Variants in TMC1 observed in about 807,000 individuals in gnomAD.
TMC1 encodes transmembrane channel like 1.
Under a neutral mutation model 105.8 loss-of-function variants are expected in TMC1, and 84 were observed. The ratio of observed to expected loss-of-function variants is 0.79; its 90% CI spans 0.67 to 0.95. The LOEUF is 0.95. TMC1 is among the 40% of genes least tolerant of loss of function. The pLI, the probability that TMC1 is intolerant of heterozygous loss-of-function variation, is 0.00. For synonymous variants in TMC1, 315 were observed against 311.5 expected, an observed-to-expected ratio of 1.01 and a Z score of -0.12; for missense variants, 817 against 914.1, an observed-to-expected ratio of 0.89 and a Z score of 1.37.
intron 1 of TMC1, among the ~76,000 whole-genome samples, chr9:72,540,628 G>A (rs1158983735): frequency 6.6e-5 from 10 of 151,916 alleles, no homozygotes; most frequent in African/African-American, 9.7e-5. Context: ...TCTCTGCGTC[G>A]CGTGTTGGTA....
chr9:72,704,629 C>T (rs1278265655), intron 8 of TMC1, among the ~76,000 whole-genome samples: 1 of 152,118 alleles, frequency 6.6e-6, no homozygotes, highest in Non-Finnish European at 1.5e-5. Flanking sequence ...GCAGAATTGG[C>T]TCTATACAGC....
chr9:72,789,353 T>G, intron 15 of TMC1, 36 bp downstream of exon 15: 1 of 1,592,402 alleles, frequency 6.3e-7, no homozygotes, highest in Admixed American at 1.7e-5. Flanking sequence ...GCTTAGAACC[T>G]GACATTTGTT....
At chr9:72,680,852 G>T (rs1826275138) in intron 5 of TMC1, among the ~76,000 whole-genome samples, 1 of 152,120 alleles carries the variant, frequency 6.6e-6, no homozygotes, top group Admixed American at 6.6e-5. Context: ...AGTTCAGCCA[G>T]CCTTTTATGC....
At position 72,825,174 on chromosome 9, in the gene TMC1, G is replaced by A. The variant is rs112315905; in HGVS notation, c.2004-1695G>A. ...TGAATGAATAATGACTGCTTATTGT[G>A]CACTAAGCACTAGAAGAGACACAGG... is the stretch of plus-strand genomic sequence containing the variant. On this transcript the variant is annotated intron_variant, in intron 20 of 23. Transcript: ENST00000297784. Among the ~76,000 whole-genome samples the A allele has an allele frequency of 2.7e-3, 406 of 152,232 alleles. 3 individuals are homozygous for A. The highest frequency in any genetic ancestry group is 8.7e-3 in the African/African-American group (363 of 41,530).
chr9:72,793,268 G>A (rs1199076782), intron 17 of TMC1, among the ~76,000 whole-genome samples: 1 of 152,136 alleles, frequency 6.6e-6, no homozygotes, highest in Non-Finnish European at 1.5e-5. Context: ...TGAATCCAGT[G>A]ACAGTCTGCA....
intron 6 of TMC1, among the ~76,000 whole-genome samples, chr9:72,693,777 T>G (rs980854475): frequency 6.6e-6 from 1 of 150,810 alleles, no homozygotes; most frequent in South Asian, 2.1e-4. Flanking sequence ...TCTTAATTTA[T>G]CTTAATTATC....
chr9:72,566,828 C>G (rs752058990), intron 1 of TMC1, among the ~76,000 whole-genome samples: 1 of 152,214 alleles, frequency 6.6e-6, no homozygotes, highest in Non-Finnish European at 1.5e-5. Flanking sequence ...TCCCCGCTTT[C>G]CTGGGTTATG....
At chr9:72,831,828 A>G (rs1048101625) in intron 23 of TMC1, among the ~76,000 whole-genome samples, 3 of 152,010 alleles carry the variant, frequency 2.0e-5, no homozygotes, top group Non-Finnish European at 4.4e-5. Flanking sequence ...TTCTTAATCC[A>G]GTCTATCATT....
chr9:72,629,242 C>G (rs1364272828), intron 4 of TMC1, among the ~76,000 whole-genome samples: 2 of 152,160 alleles, frequency 1.3e-5, no homozygotes, highest in East Asian at 1.9e-4. Flanking sequence ...AGCTTATAGT[C>G]TTTCTATAAG....
chr9:72,642,144 A>G (rs1031880169), intron 4 of TMC1, among the ~76,000 whole-genome samples: 1 of 151,968 alleles, frequency 6.6e-6, no homozygotes, highest in East Asian at 1.9e-4. Flanking sequence ...GTGATTAAGG[A>G]CTTCACGAAG....
At chr9:72,645,636 A>G (rs182503531) in intron 4 of TMC1, among the ~76,000 whole-genome samples, 145 of 152,322 alleles carry the variant, frequency 9.5e-4, no homozygotes, top group African/African-American at 3.3e-3. Context: ...GCAAAGCCTC[A>G]CCACAGAGTC....
chr9:72,735,230 AG>A (rs1290141206), intron 8 of TMC1, among the ~76,000 whole-genome samples: 1 of 152,198 alleles, frequency 6.6e-6, no homozygotes, highest in Non-Finnish European at 1.5e-5. Context: ...CAGTCTTGGC[AG>A]GTGGCTTTTG....
chr9:72,590,003 A>G (rs976193765), intron 2 of TMC1, among the ~76,000 whole-genome samples: 8 of 152,172 alleles, frequency 5.3e-5, no homozygotes, highest in African/African-American at 1.4e-4. Flanking sequence ...AGCTTCTGCT[A>G]TGCTGACTTA....
chr9:72,612,372 C>T (rs1825042938), intron 2 of TMC1, among the ~76,000 whole-genome samples: 1 of 151,942 alleles, frequency 6.6e-6, no homozygotes, highest in South Asian at 2.1e-4. Flanking sequence ...CAGGGTCTCA[C>T]CATTTTGCCC....
At chr9:72,637,702 T>C (rs555864893) in intron 4 of TMC1, among the ~76,000 whole-genome samples, 1 of 152,324 alleles carries the variant, frequency 6.6e-6, no homozygotes, top group African/African-American at 2.4e-5. Context: ...AATTCAGACA[T>C]GTGTTTTGAC....
intron 5 of TMC1, among the ~76,000 whole-genome samples, chr9:72,683,731 TTTTATATATATATATATATATA>T (rs1441342041): frequency 0.036 from 1,793 of 49,610 alleles, 86 homozygotes; most frequent in African/African-American, 0.088. Flanking sequence ...GAGTTACACA[TTTTATATATATATATATATATA>T]TATATATATA....
At chr9:72,540,011 G>A (rs1031271915) in intron 1 of TMC1, among the ~76,000 whole-genome samples, 3 of 151,992 alleles carry the variant, frequency 2.0e-5, no homozygotes, top group African/African-American at 7.3e-5. Context: ...GGAAGAGCGT[G>A]AGAGGAGGGG....
chr9:72,647,807 T>C (rs953777057), intron 4 of TMC1, among the ~76,000 whole-genome samples: 2 of 152,084 alleles, frequency 1.3e-5, no homozygotes, highest in Admixed American at 1.3e-4. Flanking sequence ...TTGCCAAGGT[T>C]AGTGCAGCTA....
At chr9:72,534,459 A>G (rs953147761) in intron 1 of TMC1, among the ~76,000 whole-genome samples, 1 of 152,230 alleles carries the variant, frequency 6.6e-6, no homozygotes, top group Non-Finnish European at 1.5e-5. Flanking sequence ...GCTATTTGTT[A>G]TATTTATGAA....
Sources: allele counts gnomAD v4.1 joint callset (sites outside exome capture counted in the v4.1 genomes callset), GRCh38; gene constraint gnomAD v4.1.1; transcripts MANE v1.5; gene names NCBI Gene and HGNC (gene_info 2026-07-23, HGNC 2026-07-21).